The following LPCAT4 variants were observed in gnomAD, a reference collection of about 807,000 sequenced individuals.
The protein encoded by LPCAT4 is lysophosphatidylcholine acyltransferase 4.
LPCAT4 carries 30 observed loss-of-function variants against 66.5 expected under a neutral mutation model. The ratio of observed to expected loss-of-function variants is 0.45; its 90% CI spans 0.34 to 0.61. The LOEUF (loss-of-function observed/expected upper bound fraction) is 0.61. LPCAT4 is among the 20% of genes least tolerant of loss of function. The pLI, the probability that LPCAT4 is intolerant of heterozygous loss-of-function variation, is 0.01. For synonymous variants in LPCAT4, 253 were observed against 262.1 expected (o/e 0.97, Z 0.34); for missense variants, 557 against 656.7 (o/e 0.85, Z 1.66).
chr15:34,365,510 G>C, intron 2 of LPCAT4, 49 bp downstream of exon 2: 1 of 1,610,842 alleles, frequency 6.2e-7, no homozygotes, highest in Non-Finnish European at 8.5e-7. Flanking sequence ...GAGCCGAATA[G>C]ACAGCAGGGA....
rs534885544 is a variant in LPCAT4, at chr15:34,361,485, C to G, written c.1058G>C (p.Arg353Pro). The change falls in exon 11 of 14, where the codon CGA becomes CCA. Residue 353 changes from arginine (R) to proline (P), a missense_variant. Coordinates refer to ENST00000314891, the MANE Select transcript of LPCAT4 (RefSeq NM_153613.3). ...GGCAAACTCTTCCTGGCTGATCATT[C>G]GACTCCGGCCTGGCTCTGCCCCAGC... ...VDAGAEPGRSRMISQEEFARQ... is the reference protein window; with the variant it reads ...VDAGAEPGRSPMISQEEFARQ... The G allele has an allele frequency of 6.2e-7, 1 of 1,614,072 alleles. No individual in the cohort carries two copies. The highest frequency in any genetic ancestry group is 8.5e-7 in the Non-Finnish European group (1 of 1,180,040).
chr15:34,363,058 A>G lies in LPCAT4; in HGVS notation c.747-222T>C, dbSNP rs563408673. 3.9e-4 allele frequency among the ~76,000 whole-genome samples: 59 copies of G among 152,070 alleles called. No individual in the cohort carries two copies. Among genetic ancestry groups the G allele is most frequent in the Non-Finnish European group, 7.6e-4 (52 of 67,992 alleles). On this transcript the variant is annotated intron_variant, in intron 7 of 13. Transcript: ENST00000314891. The surrounding 1 kb of genome is among the most constrained non-coding windows in gnomAD (Gnocchi z 4.3). ...CGGTAGGGAAAGAGAGCAGAGCTGCATGGATATGCCAGAGGAAGAACTGTA... is the reference window on the plus strand; with the variant it reads ...CGGTAGGGAAAGAGAGCAGAGCTGCGTGGATATGCCAGAGGAAGAACTGTA...
Position 34,361,161 on chromosome 15 carries a change from G to A in LPCAT4, c.1143+239C>T, listed in dbSNP as rs981719979. 5.2e-6 allele frequency: 7 copies of A among 1,342,208 alleles called. No homozygotes were observed. The African/African-American group carries it at 1.0e-4, about 20-fold the overall frequency. The allele number at this position is 1,342,208 out of a possible 1,614,324, so 83.1% of individuals were successfully genotyped here. On this transcript the variant is annotated intron_variant, in intron 11 of 13. Transcript: ENST00000314891. ...TCTAAAGTGGTTTCAGAAATTTATA[G>A]TCCTTACTGATTATTTCTCCCTTGT...
Position 34,359,216 on chromosome 15 carries a change from T to A in LPCAT4, c.1486A>T (p.Thr496Ser). Residue 496 changes from threonine to serine, a missense_variant, in exon 14 of 14, where the codon ACC (threonine) becomes TCC (serine). Around this residue, in one of 4 missense-constraint regions of LPCAT4, gnomAD observed 392 missense variants for 473.9 expected, o/e 0.83. Transcript: ENST00000314891. ...YLRPPHTSRGTSQTPNASSPG... is the reference protein window; with the variant it reads ...YLRPPHTSRGSSQTPNASSPG... ...GATGAGGCATTTGGTGTCTGGGAGG[T>A]GCCTCGAGAGGTGTGTGGGGGGCGC... is the stretch of plus-strand genomic sequence containing the variant. 1.3e-6 allele frequency: 2 copies of A among 1,594,028 alleles called. No homozygotes were observed. The highest frequency in any genetic ancestry group is 1.7e-6 in the Non-Finnish European group (2 of 1,170,198).
chr15:34,367,031 G>C lies in LPCAT4; in HGVS notation c.70C>G (p.Pro24Ala). 6.4e-7 allele frequency: 1 copy of C among 1,567,334 alleles called. No individual in the cohort carries two copies. The highest frequency in any genetic ancestry group is 8.7e-7 in the Non-Finnish European group (1 of 1,154,982). Residue 24 changes from proline (P) to alanine (A), a missense_variant, in exon 1 of 14, where the codon CCC (proline) becomes GCC (alanine). Physicochemically the swap from Pro to Ala is conservative, Grantham distance 27 (BLOSUM62 -1). Around this residue, in one of 4 missense-constraint regions of LPCAT4, gnomAD observed 94 missense variants for 71.5 expected, o/e 1.32. Transcript: ENST00000314891. ...GAGAGATGTAACTCATGCACGAAGG[G>C]GTTGGGGGATGCTGGGGGTCCGGGG... is the stretch of plus-strand genomic sequence containing the variant. ...PTPGPPASPN[P>A]FVHELHLSRL...
chr15:34,362,108 C>T, intron 10 of LPCAT4, 88 bp downstream of exon 10: 21 of 1,484,572 alleles, frequency 1.4e-5, no homozygotes, highest in South Asian at 6.2e-5. Flanking sequence ...TTAAGATTTT[C>T]CTTCTTCCTT....
At chr15:34,361,556 G>A (rs376158772) in intron 10 of LPCAT4, 24 bp from the exon 11 acceptor site, 46 of 1,611,428 alleles carry the variant, frequency 2.9e-5, no homozygotes, top group Non-Finnish European at 3.8e-5. Context: ...GTTGAAGGCA[G>A]AGAGCTGTCT....
In LPCAT4 at chr15:34,358,936, G is replaced by T. The variant is rs1890873683; in HGVS notation, c.*191C>A. 3.7e-6 allele frequency: 1 copy of T among 267,928 alleles called. No homozygotes were observed. Among genetic ancestry groups the T allele is most frequent in the South Asian group, 1.2e-4 (1 of 8,380 alleles). The allele number at this position is 267,928 out of a possible 1,614,324, so 16.6% of individuals were successfully genotyped here. On this transcript the variant is annotated 3_prime_UTR_variant, in exon 14 of 14. Transcript: ENST00000314891. Reference sequence around the variant, plus strand: ...GACTTCATTTTTTTTAATAGATATAGATATAGATTTATATTTATATATAAA... The same window carrying T: ...GACTTCATTTTTTTTAATAGATATATATATAGATTTATATTTATATATAAA...
chr15:34,365,819 G>T, intron 1 of LPCAT4, 118 bp from the exon 2 acceptor site: 1 of 1,258,964 alleles, frequency 7.9e-7, no homozygotes, highest in Non-Finnish European at 1.1e-6. Flanking sequence ...CATGTGACAG[G>T]TGGTGTGGGA....
intron 1 of LPCAT4, 120 bp from the exon 2 acceptor site, chr15:34,365,821 G>A (rs1245155811): frequency 8.0e-7 from 1 of 1,244,854 alleles, no homozygotes; most frequent in East Asian, 2.5e-5. Context: ...TGTGACAGGT[G>A]GTGTGGGAAC....
chr15:34,359,583 A>G lies in LPCAT4; in HGVS notation c.1399+6T>C, dbSNP rs1173459550. 1 of 1,610,686 alleles carries G rather than the reference A, an allele frequency of 6.2e-7. No individual in the cohort carries two copies. Among genetic ancestry groups the G allele is most frequent in the Non-Finnish European group, 8.5e-7 (1 of 1,179,158 alleles). The stretch of plus-strand genomic sequence containing the variant: ...CCCGTGTGGGGCTGAGAAGGCAGTG[A>G]CTCACAGAGGGAGAGGCCTTGGCTG... On this transcript the variant is annotated splice_donor_region_variant and intron_variant, in intron 13 of 13. Transcript: ENST00000314891.
Position 34,363,284 on chromosome 15 carries a change from A to C in LPCAT4, c.746+138T>G. On this transcript the variant is annotated intron_variant, in intron 7 of 13. Coordinates refer to ENST00000314891, the MANE Select transcript of LPCAT4 (RefSeq NM_153613.3). The surrounding 1 kb of genome is among the most constrained non-coding windows in gnomAD (Gnocchi z 4.3). ...GATTATATGGGGACATCAGGGGGAA[A>C]GTGGTGTCTCCTCTAGAGTTCTCTC... is the stretch of plus-strand genomic sequence containing the variant. 1 of 881,834 alleles carries C rather than the reference A, an allele frequency of 1.1e-6. No individual in the cohort carries two copies. Among genetic ancestry groups the C allele is most frequent in the Non-Finnish European group, 1.8e-6 (1 of 554,272 alleles). The allele number at this position is 881,834 out of a possible 1,614,324, so 54.6% of individuals were successfully genotyped here.
At position 34,362,660 on chromosome 15, in the gene LPCAT4, AAC is replaced by A. The variant is rs755766125; in HGVS notation, c.802-7_802-6del. ...GGGGTGATACACAGGAAGGAACTGA[AAC>A]ACAGACACACACAATTCTTATCAGA... On this transcript the variant is annotated splice_polypyrimidine_tract_variant and splice_region_variant and intron_variant, in intron 8 of 13. Transcript: ENST00000314891. 5 of 1,605,016 alleles carry A rather than the reference AAC, an allele frequency of 3.1e-6. No homozygotes were observed. The highest frequency in any genetic ancestry group is 4.3e-6 in the Non-Finnish European group (5 of 1,174,066).
chr15:34,361,375 C>G (rs761928921), intron 11 of LPCAT4, 25 bp downstream of exon 11: 50 of 1,613,890 alleles, frequency 3.1e-5, no homozygotes, highest in Non-Finnish European at 1.7e-5. Context: ...GGGTTCTGCT[C>G]TGCTCTTTGT....
At chr15:34,362,118 T>A in intron 10 of LPCAT4, 78 bp downstream of exon 10, 2 of 1,537,168 alleles carry the variant, frequency 1.3e-6, no homozygotes, top group South Asian at 1.2e-5. Flanking sequence ...CCTTCTTCCT[T>A]CTCATTTCTC....
Position 34,363,888 on chromosome 15 carries a change from G to A in LPCAT4, c.652+125C>T. 1.6e-6 allele frequency: 2 copies of A among 1,278,006 alleles called. No individual in the cohort carries two copies. Among genetic ancestry groups the A allele is most frequent in the Non-Finnish European group, 1.1e-6 (1 of 888,366 alleles). The allele number at this position is 1,278,006 out of a possible 1,614,324, so 79.2% of individuals were successfully genotyped here. On this transcript the variant is annotated intron_variant, in intron 5 of 13. Coordinates refer to ENST00000314891, the MANE Select transcript of LPCAT4 (RefSeq NM_153613.3). This position sits in a 1 kb window ranked among gnomAD's most constrained non-coding sequence, Gnocchi z 4.3. ...CTCGACTTGACAGCATTAGCTAGGA[G>A]GTTCCTGGTCTCCCTTCCTCTCCCA...
Position 34,364,237 on chromosome 15 carries a change from T to A in LPCAT4, c.548A>T (p.Glu183Val). ...TGAGGTGGCCCGCCTTCGGACCTCC[T>A]CCACCACTCTGCGTCGAGAAGCCGG... ...HDPASRRRVV[E>V]EVRRRATSGG... is the part of the protein sequence containing the mutation. Residue 183 changes from glutamate to valine, a missense_variant, in exon 4 of 14, where the codon GAG becomes GTG. This residue lies in a region of LPCAT4 where 392 missense variants were observed against 473.9 expected (regional missense o/e 0.83). Transcript: ENST00000314891. The A allele has an allele frequency of 6.2e-7, 1 of 1,613,954 alleles. No individual in the cohort carries two copies. Among genetic ancestry groups the A allele is most frequent in the Non-Finnish European group, 8.5e-7 (1 of 1,179,910 alleles).
At chr15:34,362,171 T>C (rs1890961106) in intron 10 of LPCAT4, 25 bp downstream of exon 10, 25 of 1,610,422 alleles carry the variant, frequency 1.6e-5, no homozygotes, top group Non-Finnish European at 2.1e-5. Flanking sequence ...ACACTGCTCA[T>C]ACCCTCATTT....
chr15:34,360,392 C>G (rs1890915254), intron 11 of LPCAT4, among the ~76,000 whole-genome samples, 183 bp from the exon 12 acceptor site: 1 of 152,224 alleles, frequency 6.6e-6, no homozygotes, highest in African/African-American at 2.4e-5. Flanking sequence ...TAGGCTTTCT[C>G]AAGCTATATC....
Sources: gnomAD v4.1 joint callset for allele counts (sites outside exome capture counted in the v4.1 genomes callset) on GRCh38, gnomAD v4.1.1 for gene constraint, gnomAD v4.1.1 regional missense constraint, Gnocchi (gnomAD v3.1) non-coding constraint, MANE v1.5 for transcripts, NCBI Gene and HGNC (gene_info 2026-07-23, HGNC 2026-07-21) for gene names.